The following MIPOL1 variants were observed in gnomAD, a reference collection of about 807,000 sequenced individuals.
The protein encoded by MIPOL1 is mirror-image polydactyly 1.
Under a neutral mutation model 60.9 loss-of-function variants are expected in MIPOL1, and 57 were observed. The ratio of observed to expected loss-of-function variants is 0.94; its 90% CI spans 0.76 to 1.17. The LOEUF (loss-of-function observed/expected upper bound fraction) is 1.17, where lower values mean the gene tolerates loss of function less well. Ranked by LOEUF, MIPOL1 falls within the 50% of genes most tolerant of loss-of-function variation. The pLI, the probability that MIPOL1 is intolerant of heterozygous loss-of-function variation, is 0.00. For missense variants in MIPOL1, 551 were observed against 511.6 expected, an observed-to-expected ratio of 1.08 and a Z score of -0.74; for synonymous variants, 179 against 168.8, an observed-to-expected ratio of 1.06 and a Z score of -0.47.
At chr14:37,236,051 T>C (rs1971422261) in intron 1 of MIPOL1, among the ~76,000 whole-genome samples, 1 of 151,762 alleles carries the variant, frequency 6.6e-6, no homozygotes, top group Non-Finnish European at 1.5e-5. Context: ...CTCAGCCTCC[T>C]GAGTAGCTGG....
chr14:37,535,632 A>G (rs2095502761), intron 12 of MIPOL1, among the ~76,000 whole-genome samples: 1 of 152,210 alleles, frequency 6.6e-6, no homozygotes, highest in South Asian at 2.1e-4. Flanking sequence ...AACTCCTTTT[A>G]TAATCCATCC....
chr14:37,524,782 C>A (rs574519048), intron 12 of MIPOL1, among the ~76,000 whole-genome samples: 108 of 151,768 alleles, frequency 7.1e-4, no homozygotes, highest in Non-Finnish European at 8.0e-4. Context: ...CTTGGCCAGC[C>A]TGGTCTTGAA....
At chr14:37,207,087 G>T (rs1473700945) in intron 1 of MIPOL1, among the ~76,000 whole-genome samples, 1 of 152,176 alleles carries the variant, frequency 6.6e-6, no homozygotes, top group East Asian at 1.9e-4. Context: ...GGAGGAACCA[G>T]GGGCGGAATG....
At chr14:37,264,741 A>G (rs1567198745) in intron 3 of MIPOL1, among the ~76,000 whole-genome samples, 1 of 152,188 alleles carries the variant, frequency 6.6e-6, no homozygotes, top group East Asian at 1.9e-4. Flanking sequence ...TTGTTTTGCA[A>G]CTTTCTTATG....
intron 11 of MIPOL1, among the ~76,000 whole-genome samples, chr14:37,493,879 G>A (rs1594707477): frequency 1.3e-5 from 2 of 152,216 alleles, no homozygotes; most frequent in Non-Finnish European, 2.9e-5. Flanking sequence ...TATGCTTACT[G>A]TAACTTAAAA....
intron 10 of MIPOL1, among the ~76,000 whole-genome samples, chr14:37,376,760 G>T (rs958930717): frequency 2.6e-5 from 4 of 152,104 alleles, no homozygotes; most frequent in African/African-American, 7.2e-5. Flanking sequence ...CATTTTGTTT[G>T]TATGGACCCA....
At chr14:37,540,553 G>A (rs1422502348) in intron 12 of MIPOL1, among the ~76,000 whole-genome samples, 2 of 152,032 alleles carry the variant, frequency 1.3e-5, no homozygotes, top group South Asian at 4.1e-4. Flanking sequence ...TGGAGGAATG[G>A]GTAAGCCGAT....
Position 37,411,440 on chromosome 14 carries a change from G to A in MIPOL1, c.937-11415G>A, listed in dbSNP as rs555317563. 1.1e-4 allele frequency among the ~76,000 whole-genome samples: 17 copies of A among 152,158 alleles called. No individual in the cohort carries two copies. The South Asian group carries it at 2.3e-3, about 20-fold the overall frequency. On this transcript the variant is annotated intron_variant, in intron 10 of 12. Transcript: ENST00000684589. ...TATGTTCATTCTAGACAGGACAAGCGTATTGAAAATGTGCTCAGTTTTTCC... is the reference window on the plus strand; with the variant it reads ...TATGTTCATTCTAGACAGGACAAGCATATTGAAAATGTGCTCAGTTTTTCC...
At chr14:37,502,805 C>A (rs2095233388) in intron 12 of MIPOL1, 1 of 152,090 alleles carries the variant, frequency 6.6e-6, no homozygotes, top group African/African-American at 2.4e-5. Context: ...TTCAGAAGGT[C>A]GGTAATAACA....
At chr14:37,493,240 T>C (rs1168887797) in intron 11 of MIPOL1, among the ~76,000 whole-genome samples, 2 of 152,188 alleles carry the variant, frequency 1.3e-5, no homozygotes, top group Non-Finnish European at 2.9e-5. Flanking sequence ...GCTTAATCCA[T>C]GTTTAACATT....
chr14:37,199,917 T>C (rs1433673313), intron 1 of MIPOL1, among the ~76,000 whole-genome samples: 5 of 152,140 alleles, frequency 3.3e-5, no homozygotes, highest in Non-Finnish European at 7.3e-5. Flanking sequence ...TACTGAAAAG[T>C]TTTTCATATT....
At chr14:37,475,085 G>C (rs1169875) in intron 11 of MIPOL1, among the ~76,000 whole-genome samples, 117,104 of 151,746 alleles carry the variant, frequency 0.77, 45,705 homozygotes, top group African/African-American at 0.89. Context: ...CTGCCTCAGC[G>C]TCCTGAGTAG....
rs145872050 is a variant in MIPOL1, at chr14:37,420,519, A to C, written c.937-2336A>C. On this transcript the variant is annotated intron_variant, in intron 10 of 12. Transcript: ENST00000684589. ...TATTTTTGACATATAGTATGATAGG[A>C]TTATATGATATAAATATCAATCTAG... Among the ~76,000 whole-genome samples the C allele has an allele frequency of 1.9e-3, 288 of 152,264 alleles. 1 individual carries two copies. Among genetic ancestry groups the C allele is most frequent in the Non-Finnish European group, 3.0e-3 (206 of 68,022 alleles).
intron 11 of MIPOL1, among the ~76,000 whole-genome samples, chr14:37,478,457 G>C (rs542675185): frequency 4.6e-5 from 7 of 152,288 alleles, no homozygotes; most frequent in Admixed American, 6.5e-5. Flanking sequence ...GGACATTACT[G>C]ATGAAAATCT....
At chr14:37,309,155 A>T (rs1278437620) in intron 9 of MIPOL1, among the ~76,000 whole-genome samples, 1 of 149,040 alleles carries the variant, frequency 6.7e-6, no homozygotes, top group Non-Finnish European at 1.5e-5. Flanking sequence ...GTGTGTGGAG[A>T]TTTGGTATCA....
At chr14:37,206,411 T>A (rs148356606) in intron 1 of MIPOL1, among the ~76,000 whole-genome samples, 1 of 152,178 alleles carries the variant, frequency 6.6e-6, no homozygotes, top group Non-Finnish European at 1.5e-5. Flanking sequence ...AGAGGATATA[T>A]GGAAATGCCT....
At chr14:37,353,923 T>A (rs1056760915) in intron 9 of MIPOL1, among the ~76,000 whole-genome samples, 1 of 152,070 alleles carries the variant, frequency 6.6e-6, no homozygotes, top group Admixed American at 6.5e-5. Flanking sequence ...CTGCTCTGAT[T>A]TTAGTTATTT....
chr14:37,524,565 C>CTTTTTTTTTTTT (rs1173993657), intron 12 of MIPOL1, among the ~76,000 whole-genome samples: 1 of 124,848 alleles, frequency 8.0e-6, no homozygotes, highest in African/African-American at 3.1e-5. Context: ...TTTTCTTTTT[C>CTTTTTTTTTTTT]TTTTCTTTTT....
chr14:37,204,008 T>A (rs1283101216), intron 1 of MIPOL1, among the ~76,000 whole-genome samples: 1 of 152,062 alleles, frequency 6.6e-6, no homozygotes, highest in African/African-American at 2.4e-5. Context: ...GGTCTTGATC[T>A]CCTGACCACG....
Sources: allele counts gnomAD v4.1 joint callset (sites outside exome capture counted in the v4.1 genomes callset), GRCh38; gene constraint gnomAD v4.1.1; transcripts MANE v1.5; gene names NCBI Gene and HGNC (gene_info 2026-07-23, HGNC 2026-07-21).